KIF5A: variants seen among roughly 807,000 people sequenced by gnomAD.
KIF5A encodes the protein kinesin family member 5A.
A neutral mutation model predicts 141.3 loss-of-function variants in KIF5A; 35 were observed. The ratio of observed to expected loss-of-function variants is 0.25; its 90% CI spans 0.19 to 0.33. The LOEUF (loss-of-function observed/expected upper bound fraction) is 0.33. Among genes scored for constraint, KIF5A ranks in the 10% least tolerant of loss-of-function variants. The pLI is 1.00. For missense variants in KIF5A, 861 were observed against 1,314.3 expected, an observed-to-expected ratio of 0.66 and a Z score of 5.33; for synonymous variants, 448 against 500.2, an observed-to-expected ratio of 0.90 and a Z score of 1.39.
chr12:57,554,626 G>C (rs1881677296), intron 1 of KIF5A, among the ~76,000 whole-genome samples: 1 of 152,122 alleles, frequency 6.6e-6, no homozygotes, highest in Non-Finnish European at 1.5e-5. Context: ...CCCCAGGCTG[G>C]GTAATTTATA....
chr12:57,569,099 A>G (rs1310586113), intron 9 of KIF5A, 32 bp downstream of exon 9: 1 of 1,581,180 alleles, frequency 6.3e-7, no homozygotes, highest in African/African-American at 1.3e-5. Flanking sequence ...TCACCCCTCA[A>G]GCCACACCCC....
At chr12:57,560,324 G>A (rs113862914) in intron 1 of KIF5A, among the ~76,000 whole-genome samples, 343 of 152,260 alleles carry the variant, frequency 2.3e-3, no homozygotes, top group African/African-American at 7.9e-3. Flanking sequence ...ATTATTATAA[G>A]CAATGTGATG....
chr12:57,577,086 C>T (rs1451857595), intron 20 of KIF5A, among the ~76,000 whole-genome samples: 1 of 152,176 alleles, frequency 6.6e-6, no homozygotes, highest in East Asian at 1.9e-4. Context: ...AGTGTAAAAA[C>T]AGGTTACAAA....
intron 1 of KIF5A, among the ~76,000 whole-genome samples, chr12:57,559,045 C>T (rs979046449): frequency 3.9e-5 from 6 of 152,150 alleles, no homozygotes; most frequent in South Asian, 4.1e-4. Context: ...CCAAAGGGCT[C>T]GGATTACACG....
At chr12:57,558,314 G>A (rs1299348971) in intron 1 of KIF5A, among the ~76,000 whole-genome samples, 7 of 152,030 alleles carry the variant, frequency 4.6e-5, no homozygotes, top group African/African-American at 1.7e-4. Context: ...GGCTGAGGTG[G>A]GCGGATCATG....
At chr12:57,580,879 T>C in intron 23 of KIF5A, 77 bp from the exon 24 acceptor site, 1 of 1,308,110 alleles carries the variant, frequency 7.6e-7, no homozygotes, top group South Asian at 1.2e-5. Context: ...CTCACCCCTG[T>C]CCCCTACGCT....
chr12:57,576,426 T>G (rs999457801), intron 19 of KIF5A, 48 bp downstream of exon 19: 4 of 1,403,112 alleles, frequency 2.9e-6, no homozygotes, highest in South Asian at 1.2e-5. Flanking sequence ...TCCTGTCACC[T>G]TGCTGTATTG....
At position 57,550,262 on chromosome 12, in the gene KIF5A, G is replaced by A. The variant is rs2140150069; in HGVS notation, c.-10G>A. The stretch of plus-strand genomic sequence containing the variant: ...CCAAGAAGAGTCCCAGCCCCACGCC[G>A]GCTACCACCATGGCGGAGACCAACA... On this transcript the variant is annotated 5_prime_UTR_variant, in exon 1 of 29. Transcript: ENST00000455537. This position sits in a 1 kb window ranked among gnomAD's most constrained non-coding sequence, Gnocchi z 4.6. 1 of 1,613,938 alleles carries A rather than the reference G, an allele frequency of 6.2e-7. No homozygotes were observed. Among genetic ancestry groups the A allele is most frequent in the Non-Finnish European group, 8.5e-7 (1 of 1,179,984 alleles).
chr12:57,555,555 C>T (rs1427861112), intron 1 of KIF5A, among the ~76,000 whole-genome samples: 1 of 151,686 alleles, frequency 6.6e-6, no homozygotes, highest in East Asian at 1.9e-4. Context: ...CTTGCCACTG[C>T]ACTCCAGCCT....
chr12:57,557,498 A>G (rs546237915), intron 1 of KIF5A, among the ~76,000 whole-genome samples: 1 of 152,214 alleles, frequency 6.6e-6, no homozygotes, highest in East Asian at 1.9e-4. Flanking sequence ...AAAATCACCC[A>G]ATATCTTACC....
rs146216814 is a variant in KIF5A, at chr12:57,581,235, T to C, written c.2755+63T>C. Reference sequence around the variant, plus strand: ...TGAAGCAAATTTAGCAAATTGCTAATTGCCAAGCAACTAGATTATTGCTTC... The same window carrying C: ...TGAAGCAAATTTAGCAAATTGCTAACTGCCAAGCAACTAGATTATTGCTTC... On this transcript the variant is annotated intron_variant, in intron 24 of 28. Transcript: ENST00000455537. 432 of 1,542,238 alleles carry C rather than the reference T, an allele frequency of 2.8e-4. 2 individuals carry two copies. In the African/African-American group the frequency reaches 5.0e-3, roughly 18 times the overall value.
rs779974952 is a variant in KIF5A at position 57,564,416 on chromosome 12, G to T, written c.397-44G>T. 3 of 1,437,058 alleles carry T rather than the reference G, an allele frequency of 2.1e-6. No homozygotes were observed. The African/African-American group carries it at 4.2e-5, about 20-fold the overall frequency. The allele number at this position is 1,437,058 out of a possible 1,614,324, so 89.0% of individuals were successfully genotyped here. A position where few individuals can be genotyped will look rare whatever the true frequency, so the allele number is the denominator to read the frequency against. ...TATGGGATTCCTGAACTAGATTTAA[G>T]ATAGGCCCTCTTTACTTCACACTCC... is the stretch of plus-strand genomic sequence containing the variant. On this transcript the variant is annotated intron_variant, in intron 4 of 28. Transcript: ENST00000455537.
chr12:57,571,992 C>A, intron 13 of KIF5A, 69 bp from the exon 14 acceptor site: 1 of 1,402,382 alleles, frequency 7.1e-7, no homozygotes, highest in Non-Finnish European at 1.0e-6. Flanking sequence ...GCTCAGCTTC[C>A]CAGACCCAAG....
At chr12:57,560,838 C>T (rs187609060) in intron 1 of KIF5A, among the ~76,000 whole-genome samples, 72 of 151,988 alleles carry the variant, frequency 4.7e-4, no homozygotes, top group African/African-American at 1.6e-3. Context: ...TCTGCCTCTA[C>T]AAAAAATAAA....
At chr12:57,577,520 C>T (rs1431412068) in intron 20 of KIF5A, among the ~76,000 whole-genome samples, 193 bp from the exon 21 acceptor site, 2 of 152,048 alleles carry the variant, frequency 1.3e-5, no homozygotes, top group African/African-American at 4.8e-5. Flanking sequence ...CCCTTGAGCC[C>T]AGGAGGTTGA....
At chr12:57,552,587 A>C (rs1287227919) in intron 1 of KIF5A, among the ~76,000 whole-genome samples, 1 of 152,150 alleles carries the variant, frequency 6.6e-6, no homozygotes, top group Non-Finnish European at 1.5e-5. Context: ...TTCAGACTTA[A>C]TATTCATTCA....
intron 28 of KIF5A, 48 bp downstream of exon 28, chr12:57,583,263 T>C: frequency 9.2e-7 from 1 of 1,092,310 alleles, no homozygotes; most frequent in Non-Finnish European, 1.4e-6. Flanking sequence ...GCTTCCCTTC[T>C]TGCTGACAGC....
At chr12:57,553,440 G>A (rs1411556996) in intron 1 of KIF5A, among the ~76,000 whole-genome samples, 1 of 152,118 alleles carries the variant, frequency 6.6e-6, no homozygotes. Context: ...GGGTGGCCTG[G>A]GATTTGATAT....
Position 57,563,660 on chromosome 12 carries a change from A to G in KIF5A, c.258A>G (p.Gly86=), listed in dbSNP as rs759747024. The G allele has an allele frequency of 6.2e-7, 1 of 1,614,028 alleles. No individual in the cohort carries two copies. The change falls in exon 3 of 29, where the codon GGA becomes GGG. Residue 86 remains glycine, a synonymous_variant. Transcript: ENST00000455537. Reference sequence around the variant, plus strand: ...ACAATGGCACCATTTTTGCTTATGGACAGACATCCTCAGGGAAAACACATA... The same window carrying G: ...ACAATGGCACCATTTTTGCTTATGGGCAGACATCCTCAGGGAAAACACATA... ...AGYNGTIFAY[G]QTSSGKTHTM...
Sources: gnomAD v4.1 joint callset for allele counts (sites outside exome capture counted in the v4.1 genomes callset) on GRCh38, gnomAD v4.1.1 for gene constraint, Gnocchi (gnomAD v3.1) non-coding constraint, MANE v1.5 for transcripts, NCBI Gene and HGNC (gene_info 2026-07-23, HGNC 2026-07-21) for gene names.